The following NKX3-2 variants were observed in gnomAD, a reference collection of about 807,000 sequenced individuals.
NKX3-2 encodes the protein NK3 homeobox 2.
Under a neutral mutation model 19.4 loss-of-function variants are expected in NKX3-2, and 13 were observed. That is an observed-to-expected ratio of 0.67 (90% CI 0.44 to 1.07). The LOEUF (loss-of-function observed/expected upper bound fraction) is 1.07, where lower values mean the gene tolerates loss of function less well. Ranked by LOEUF, NKX3-2 falls within the 50% of genes least tolerant of loss-of-function variation. The pLI is 0.00. For synonymous variants in NKX3-2, 269 were observed against 230.5 expected, an observed-to-expected ratio of 1.17 and a Z score of -1.51; for missense variants, 562 against 488.2, an observed-to-expected ratio of 1.15 and a Z score of -1.42.
chr4:13,547,384 C>G (rs373083502), upstream of NKX3-2: 2 of 368,890 alleles, frequency 5.4e-6, no homozygotes, highest in East Asian at 1.5e-4. Flanking sequence ...ACGGGCGCCA[C>G]GCTCCGGCTT....
upstream of NKX3-2, chr4:13,547,170 T>C (rs1285760617): frequency 4.4e-6 from 2 of 456,284 alleles, no homozygotes; most frequent in South Asian, 3.1e-5. Context: ...GGGAGGTGGT[T>C]GTATGCCCAG....
rs768866460 is a variant in NKX3-2 at position 13,542,441 on chromosome 4, CCCCCGCCGCCGG to C, written c.542_553del (p.Ala181_Gly184del). 2 of 1,564,842 alleles carry C rather than the reference CCCCCGCCGCCGG, an allele frequency of 1.3e-6. No individual in the cohort carries two copies. Among genetic ancestry groups the C allele is most frequent in the South Asian group, 2.3e-5 (2 of 87,388 alleles). ...CGCGACGCCTGCCGGCCCGCTGCCG[CCCCCGCCGCCGG>C]CCCCGCTGCACAGCGCGGACACGTG... On this transcript the variant is annotated inframe_deletion, in exon 2 of 2. Transcript: ENST00000382438. This position sits in a 1 kb window ranked among gnomAD's most constrained non-coding sequence, Gnocchi z 6.4.
At chr4:13,547,178 C>T (rs1028764110), upstream of NKX3-2, 7 of 456,220 alleles carry the variant, frequency 1.5e-5, no homozygotes, top group East Asian at 2.8e-4. Context: ...GTTGTATGCC[C>T]AGAGATATCC....
rs1005638560 is a variant in NKX3-2, at chr4:13,544,053, C to G, written c.362G>C (p.Gly121Ala). 6.4e-7 allele frequency: 1 copy of G among 1,568,622 alleles called. No homozygotes were observed. The highest frequency in any genetic ancestry group is 8.6e-7 in the Non-Finnish European group (1 of 1,160,136). The change falls in exon 1 of 2, where the codon GGA becomes GCA. Residue 121 changes from glycine to alanine, a missense_variant. Coordinates refer to ENST00000382438, the MANE Select transcript of NKX3-2 (RefSeq NM_001189.4). The part of the protein sequence containing the change: ...RGASGAGLAG[G>A]SLSLGQPVCE... ...GACCGGCTGGCCGAGGCTCAAGGAT[C>G]CCCCCGCAAGGCCGGCCCCGCTGGC...
At position 13,544,039 on chromosome 4, in the gene NKX3-2, C is replaced by G; in HGVS notation, c.376G>C (p.Gly126Arg). The G allele has an allele frequency of 6.4e-7, 1 of 1,563,502 alleles. No homozygotes were observed. ...AGLAGGSLSLGQPVCELAASK... is the reference protein window; with the variant it reads ...AGLAGGSLSLRQPVCELAASK... ...GCGGCCAGCTCACAGACCGGCTGGC[C>G]GAGGCTCAAGGATCCCCCCGCAAGG... is the stretch of plus-strand genomic sequence containing the variant. The change falls in exon 1 of 2, where the codon GGC becomes CGC. Residue 126 changes from glycine (G) to arginine (R), a missense_variant. Gly to Arg is a moderately radical substitution (Grantham distance 125). Transcript: ENST00000382438.
chr4:13,542,000 G>A lies in NKX3-2; in HGVS notation c.995C>T (p.Thr332Ile), dbSNP rs1285229702. ...GCCTCAGCCCAAGCGGGTTCACTGGGTGCCTGCGGCAGCTGCGCAGGTGGA... is the reference window on the plus strand; with the variant it reads ...GCCTCAGCCCAAGCGGGTTCACTGGATGCCTGCGGCAGCTGCGCAGGTGGA... ...ALSTCAAAAG[T>I]Q Residue 332 changes from threonine to isoleucine, a missense_variant, in exon 2 of 2, where the codon ACC becomes ATC. By Grantham distance (89) the Thr-to-Ile change is moderately conservative. Coordinates refer to ENST00000382438, the MANE Select transcript of NKX3-2 (RefSeq NM_001189.4). The A allele has an allele frequency of 6.3e-7, 1 of 1,586,146 alleles. No homozygotes were observed. Among genetic ancestry groups the A allele is most frequent in the African/African-American group, 1.3e-5 (1 of 74,134 alleles).
rs748256491 is a variant in NKX3-2, at chr4:13,542,499, C to T, written c.496G>A (p.Gly166Ser). The change falls in exon 2 of 2, where the codon GGT becomes AGT. Residue 166 changes from glycine (G) to serine (S), a missense_variant. By Grantham distance (56) the Gly-to-Ser change is moderately conservative (BLOSUM62 0). Coordinates refer to ENST00000382438, the MANE Select transcript of NKX3-2 (RefSeq NM_001189.4). The surrounding 1 kb of genome is among the most constrained non-coding windows in gnomAD (Gnocchi z 6.4). ...ACGTGTGCACCTCTGGGGCCAACAC[C>T]GTCGTCCTCGGTCCTTGGGCTGCGG... ...GDRSPRTEDD[G>S]VGPRGAHVSA... 12 of 1,596,554 alleles carry T rather than the reference C, an allele frequency of 7.5e-6. No individual in the cohort carries two copies. Among genetic ancestry groups the T allele is most frequent in the African/African-American group, 2.7e-5 (2 of 74,820 alleles).
chr4:13,545,045 C>T (rs1308815303), upstream of NKX3-2: 3 of 152,362 alleles, frequency 2.0e-5, no homozygotes, highest in South Asian at 2.1e-4. Flanking sequence ...TACCACCCCC[C>T]TCCCGCCCGG....
rs1718035959 is a variant in NKX3-2, at chr4:13,543,367, G to A, written c.466+582C>T. Among the ~76,000 whole-genome samples, 1 of 152,142 alleles carries A rather than the reference G, an allele frequency of 6.6e-6. No individual in the cohort carries two copies. The highest frequency in any genetic ancestry group is 1.5e-5 in the Non-Finnish European group (1 of 68,038). ...CAGGATGAACTAAAGACCCAATCCGGGATCTTCGGCCTAGGGCTGCTCTCC... is the reference window on the plus strand; with the variant it reads ...CAGGATGAACTAAAGACCCAATCCGAGATCTTCGGCCTAGGGCTGCTCTCC... On this transcript the variant is annotated intron_variant, in intron 1 of 1. Transcript: ENST00000382438. The surrounding 1 kb of genome is among the most constrained non-coding windows in gnomAD (Gnocchi z 7.1).
rs202195290 is a variant in NKX3-2, at chr4:13,544,225, C to T, written c.190G>A (p.Gly64Arg). 1.4e-5 allele frequency: 23 copies of T among 1,591,666 alleles called. No homozygotes were observed. Among genetic ancestry groups the T allele is most frequent in the Non-Finnish European group, 1.9e-5 (22 of 1,176,358 alleles). ...LFGERDAGAL[G>R]GAEDSLLASP... The stretch of plus-strand genomic sequence containing the variant: ...GCCAGCAGAGAGTCCTCGGCGCCCC[C>T]CAACGCGCCCGCGTCCCTCTCCCCA... Residue 64 changes from glycine to arginine, a missense_variant, in exon 1 of 2, where the codon GGG becomes AGG. Coordinates refer to ENST00000382438, the MANE Select transcript of NKX3-2 (RefSeq NM_001189.4).
chr4:13,546,181 C>A (rs1560166484), upstream of NKX3-2: 1 of 152,140 alleles, frequency 6.6e-6, no homozygotes, highest in African/African-American at 2.4e-5. Context: ...TTTGGTTGTT[C>A]TTTTTCTGCA....
At chr4:13,544,667 T>C (rs1718084293), upstream of NKX3-2, 1 of 278,234 alleles carries the variant, frequency 3.6e-6, no homozygotes, top group African/African-American at 2.2e-5. Flanking sequence ...CGCTCTCCTT[T>C]CGCAGCTCAG....
At position 13,542,086 on chromosome 4, in the gene NKX3-2, C is replaced by G. The variant is rs750059303; in HGVS notation, c.909G>C (p.Ser303=). 3 of 1,606,254 alleles carry G rather than the reference C, an allele frequency of 1.9e-6. No individual in the cohort carries two copies. Among genetic ancestry groups the G allele is most frequent in the African/African-American group, 1.3e-5 (1 of 74,776 alleles). The part of the protein sequence containing the change: ...YLPGEVLRPP[S]LLPLQPSYYY... ...AGTAGGAGGGCTGCAGTGGCAGAAG[C>G]GAGGGTGGCCGCAGCACTTCGCCGG... Residue 303 remains serine (S), a synonymous_variant, in exon 2 of 2, where the codon TCG becomes TCC. Coordinates refer to ENST00000382438, the MANE Select transcript of NKX3-2 (RefSeq NM_001189.4). The surrounding 1 kb of genome is among the most constrained non-coding windows in gnomAD (Gnocchi z 6.4).
chr4:13,544,911 C>G (rs1484935856), upstream of NKX3-2: 3 of 152,338 alleles, frequency 2.0e-5, no homozygotes, highest in African/African-American at 7.2e-5. Flanking sequence ...CGGAGCCCAC[C>G]CCCGGCGGCG....
At chr4:13,547,619 C>T (rs776961643), upstream of NKX3-2, 13 of 176,674 alleles carry the variant, frequency 7.4e-5, no homozygotes, top group Middle Eastern at 2.2e-3. Context: ...TGCTTCTCCT[C>T]CGCAGTTTGG....
Position 13,542,316 on chromosome 4 carries a change from G to T in NKX3-2, c.679C>A (p.His227Asn), listed in dbSNP as rs1379870596. 2.5e-6 allele frequency: 4 copies of T among 1,594,936 alleles called. No homozygotes were observed. The highest frequency in any genetic ancestry group is 2.6e-6 in the Non-Finnish European group (3 of 1,172,078). ...QVFELERRFN[H>N]QRYLSGPERA... ...TCGGGCCCGGACAGGTAGCGCTGGT[G>T]GTTAAAGCGGCGCTCCAGCTCGAAG... The change falls in exon 2 of 2, where the codon CAC becomes AAC. Residue 227 changes from histidine (H) to asparagine (N), a missense_variant. Transcript: ENST00000382438. The surrounding 1 kb of genome is among the most constrained non-coding windows in gnomAD (Gnocchi z 6.4).
chr4:13,545,951 T>C (rs1718123733), upstream of NKX3-2: 1 of 152,232 alleles, frequency 6.6e-6, no homozygotes, highest in Admixed American at 6.5e-5. Context: ...TGTGGGTATA[T>C]AAAAACATTT....
At position 13,544,100 on chromosome 4, in the gene NKX3-2, C is replaced by T. The variant is rs542815500; in HGVS notation, c.315G>A (p.Arg105=). The change falls in exon 1 of 2, where the codon CGG becomes CGA. Residue 105 remains arginine, a synonymous_variant. Coordinates refer to ENST00000382438, the MANE Select transcript of NKX3-2 (RefSeq NM_001189.4). The part of the protein sequence containing the change: ...SALSEENESR[R]RCADARGASG... ...TGGCCCCCCGCGCGTCCGCGCAGCG[C>T]CGCCTGCTCTCGTTCTCCTCGCTGA... 6.9e-6 allele frequency: 11 copies of T among 1,593,960 alleles called. No homozygotes were observed. In the East Asian group the frequency reaches 2.1e-4, roughly 30 times the overall value.
chr4:13,544,406 C>T lies in NKX3-2; in HGVS notation c.9G>A (p.Val3=). 1 of 1,532,088 alleles carries T rather than the reference C, an allele frequency of 6.5e-7. No homozygotes were observed. The highest frequency in any genetic ancestry group is 1.4e-5 in the African/African-American group (1 of 70,270). 94.9% of individuals were successfully genotyped at this position (1,532,088 alleles called of 1,614,324 possible). MA[V]RGANTLTSFS... ...AGGACGTCAAGGTGTTGGCGCCGCG[C>T]ACAGCCATCTGCGCCGCGGGCAGGA... The change falls in exon 1 of 2, where the codon GTG becomes GTA. Residue 3 remains valine (V), a synonymous_variant. Coordinates refer to ENST00000382438, the MANE Select transcript of NKX3-2 (RefSeq NM_001189.4).
Sources: allele counts gnomAD v4.1 joint callset (sites outside exome capture counted in the v4.1 genomes callset), GRCh38; gene constraint gnomAD v4.1.1; non-coding constraint Gnocchi (gnomAD v3.1); transcripts MANE v1.5; gene names NCBI Gene and HGNC (gene_info 2026-07-23, HGNC 2026-07-21).